CREB3L1: variants seen among roughly 807,000 people sequenced by gnomAD.
CREB3L1 encodes the protein cAMP responsive element binding protein 3 like 1.
Under a neutral mutation model 54.5 loss-of-function variants are expected in CREB3L1, and 33 were observed. The observed-to-expected ratio is 0.61, with a 90% confidence interval of 0.46 to 0.81. The LOEUF (loss-of-function observed/expected upper bound fraction) is 0.81, where lower values mean the gene tolerates loss of function less well. CREB3L1 is among the 30% of genes least tolerant of loss of function. CREB3L1 has a pLI of 0.00. For missense variants in CREB3L1, 656 were observed against 673.3 expected (o/e 0.97, Z 0.29); for synonymous variants, 284 against 286.4 (o/e 0.99, Z 0.08).
chr11:46,292,132 G>A (rs1939139369), intron 1 of CREB3L1, among the ~76,000 whole-genome samples: 1 of 152,190 alleles, frequency 6.6e-6, no homozygotes, highest in Non-Finnish European at 1.5e-5. Flanking sequence ...TGCTTCCCAG[G>A]TACCTGGTCT....
intron 3 of CREB3L1, among the ~76,000 whole-genome samples, chr11:46,308,449 C>A (rs551606705): frequency 6.6e-6 from 1 of 152,368 alleles, no homozygotes; most frequent in African/African-American, 2.4e-5. Context: ...TTAACCCACA[C>A]TCTCAGGCTG....
At chr11:46,291,218 C>G (rs1277921311) in intron 1 of CREB3L1, among the ~76,000 whole-genome samples, 2 of 152,202 alleles carry the variant, frequency 1.3e-5, no homozygotes, top group Non-Finnish European at 2.9e-5. Context: ...GAAACGGCTG[C>G]TTACCTTGGG....
In CREB3L1 at chr11:46,310,020, T is replaced by A; in HGVS notation, c.548T>A (p.Ile183Asn). 6.2e-7 allele frequency: 1 copy of A among 1,604,510 alleles called. No individual in the cohort carries two copies. Among genetic ancestry groups the A allele is most frequent in the Non-Finnish European group, 8.5e-7 (1 of 1,175,802 alleles). The change falls in exon 4 of 12, where the codon ATC becomes AAC. Residue 183 changes from isoleucine (I) to asparagine (N), a missense_variant. By Grantham distance (149) the Ile-to-Asn change is moderately radical. Coordinates refer to ENST00000621158, the MANE Select transcript of CREB3L1 (RefSeq NM_052854.4). The stretch of plus-strand genomic sequence containing the variant: ...GGAGAGATGACTCAGCTGCCAGTGA[T>A]CAAAGCAGAGCCTCTGGAGGTGAAC... ...APGEMTQLPV[I>N]KAEPLEVNQF...
At chr11:46,317,537 C>T in intron 10 of CREB3L1, 50 bp downstream of exon 10, 1 of 1,595,622 alleles carries the variant, frequency 6.3e-7, no homozygotes, top group Non-Finnish European at 8.5e-7. Context: ...CTGCCCTGCC[C>T]CAGCCCCAGT....
chr11:46,299,008 G>C (rs1445712370), intron 1 of CREB3L1, among the ~76,000 whole-genome samples: 1 of 152,136 alleles, frequency 6.6e-6, no homozygotes, highest in Non-Finnish European at 1.5e-5. Context: ...AGATTTTTCA[G>C]ACTTTTTTGT....
chr11:46,320,885 T>C lies in CREB3L1; in HGVS notation c.*139T>C. ...AGAAAAGGCTCCACTTCCCAGCCCT[T>C]CCTTGCCCCTGACATTTGGACTCTT... On this transcript the variant is annotated 3_prime_UTR_variant, in exon 12 of 12. Coordinates refer to ENST00000621158, the MANE Select transcript of CREB3L1 (RefSeq NM_052854.4). 1.1e-6 allele frequency: 1 copy of C among 896,884 alleles called. No individual in the cohort carries two copies. The allele number at this position is 896,884 out of a possible 1,614,324, so 55.6% of individuals were successfully genotyped here. A position where few individuals can be genotyped will look rare whatever the true frequency, so the allele number is the denominator to read the frequency against.
At chr11:46,299,132 G>A (rs1231219012) in intron 1 of CREB3L1, among the ~76,000 whole-genome samples, 1 of 151,974 alleles carries the variant, frequency 6.6e-6, no homozygotes, top group Non-Finnish European at 1.5e-5. Flanking sequence ...TGTGCACTCT[G>A]ATATTTTCTA....
Position 46,308,284 on chromosome 11 carries a change from A to G in CREB3L1, c.516+284A>G, listed in dbSNP as rs113959913. Among the ~76,000 whole-genome samples, 3,554 of 152,332 alleles carry G rather than the reference A, an allele frequency of 0.023. 135 individuals are homozygous for G. Among genetic ancestry groups the G allele is most frequent in the African/African-American group, 0.08 (3,345 of 41,568 alleles). ...CAGGGCTCCAGGCAGGGGTGGCATC[A>G]GGAGCCCAGTCCAGGGTCTCAGAGG... On this transcript the variant is annotated intron_variant, in intron 3 of 11. Transcript: ENST00000621158.
In CREB3L1 at chr11:46,278,049, G is replaced by C; in HGVS notation, c.-63G>C. ...AGCGCTCAGGCAGGAGCTCTGGACT[G>C]GGCGCGCCGCCGCCCTGGAGTGAGG... On this transcript the variant is annotated 5_prime_UTR_variant, in exon 1 of 12. Transcript: ENST00000621158. This position sits in a 1 kb window ranked among gnomAD's most constrained non-coding sequence, Gnocchi z 4.2. 9.6e-7 allele frequency: 1 copy of C among 1,037,218 alleles called. No homozygotes were observed. Among genetic ancestry groups the C allele is most frequent in the Non-Finnish European group, 1.4e-6 (1 of 714,810 alleles). The allele number at this position is 1,037,218 out of a possible 1,614,324, so 64.3% of individuals were successfully genotyped here. A position where few individuals can be genotyped will look rare whatever the true frequency, so the allele number is the denominator to read the frequency against.
chr11:46,292,683 G>A (rs1315776353), intron 1 of CREB3L1, among the ~76,000 whole-genome samples: 1 of 152,176 alleles, frequency 6.6e-6, no homozygotes, highest in Non-Finnish European at 1.5e-5. Flanking sequence ...CTGGAGTGTA[G>A]TGGTGTAATC....
intron 1 of CREB3L1, among the ~76,000 whole-genome samples, chr11:46,282,245 G>A (rs968224236): frequency 2.6e-5 from 4 of 152,238 alleles, no homozygotes; most frequent in Admixed American, 6.5e-5. Context: ...TGCAGCCATC[G>A]AGGTCCTGCA....
chr11:46,290,745 G>C (rs1335586283), intron 1 of CREB3L1, among the ~76,000 whole-genome samples: 2 of 151,926 alleles, frequency 1.3e-5, no homozygotes, highest in South Asian at 2.1e-4. Flanking sequence ...AGGAGCCAAG[G>C]GGGTGGGCGG....
chr11:46,319,894 G>A (rs1209845894), intron 10 of CREB3L1, among the ~76,000 whole-genome samples: 2 of 151,472 alleles, frequency 1.3e-5, no homozygotes, highest in Admixed American at 1.3e-4. Flanking sequence ...AAAAAAAAAG[G>A]GAGATAGAGC....
At chr11:46,284,311 C>T (rs1939023446) in intron 1 of CREB3L1, among the ~76,000 whole-genome samples, 2 of 152,014 alleles carry the variant, frequency 1.3e-5, no homozygotes, top group African/African-American at 2.4e-5. Context: ...GATCTCTGCA[C>T]ATGCTGCCCC....
At chr11:46,316,484 C>T (rs1191030733) in intron 9 of CREB3L1, 99 bp downstream of exon 9, 16 of 763,810 alleles carry the variant, frequency 2.1e-5, no homozygotes, top group East Asian at 8.1e-5. Flanking sequence ...TCGGTAACAT[C>T]GTGGGCAGCG....
chr11:46,290,044 T>C (rs1473443377), intron 1 of CREB3L1, among the ~76,000 whole-genome samples: 1 of 152,122 alleles, frequency 6.6e-6, no homozygotes, highest in Non-Finnish European at 1.5e-5. Context: ...AGGTCCCTTC[T>C]CTCCTCTGAT....
At chr11:46,297,824 T>A (rs1353241132) in intron 1 of CREB3L1, among the ~76,000 whole-genome samples, 1 of 152,176 alleles carries the variant, frequency 6.6e-6, no homozygotes, top group Non-Finnish European at 1.5e-5. Flanking sequence ...GGTTCCAAGC[T>A]CAGCTCGGGG....
At chr11:46,281,603 A>G (rs973424486) in intron 1 of CREB3L1, among the ~76,000 whole-genome samples, 12 of 152,186 alleles carry the variant, frequency 7.9e-5, no homozygotes, top group Non-Finnish European at 1.6e-4. Flanking sequence ...ACGGGGACCC[A>G]GGGACCAGCC....
intron 1 of CREB3L1, among the ~76,000 whole-genome samples, chr11:46,283,788 TG>T (rs1238496895): frequency 2.6e-5 from 4 of 151,956 alleles, no homozygotes; most frequent in African/African-American, 9.7e-5. Flanking sequence ...GAGACTGATG[TG>T]GGATGATCAC....
Sources: gnomAD v4.1 joint callset for allele counts (sites outside exome capture counted in the v4.1 genomes callset) on GRCh38, gnomAD v4.1.1 for gene constraint, Gnocchi (gnomAD v3.1) non-coding constraint, MANE v1.5 for transcripts, NCBI Gene and HGNC (gene_info 2026-07-23, HGNC 2026-07-21) for gene names.